Variants in FSTL4 observed in about 807,000 individuals in gnomAD.
FSTL4 encodes follistatin like 4.
A neutral mutation model predicts 78.2 loss-of-function variants in FSTL4; 28 were observed. The ratio of observed to expected loss-of-function variants is 0.36; its 90% CI spans 0.27 to 0.49. The LOEUF (loss-of-function observed/expected upper bound fraction) is 0.49. Ranked by LOEUF, FSTL4 falls within the 20% of genes least tolerant of loss-of-function variation. FSTL4 has a pLI of 0.98. For missense variants in FSTL4, 922 were observed against 1,084.9 expected (o/e 0.85, Z 2.11); for synonymous variants, 422 against 440.5 (o/e 0.96, Z 0.53).
intron 3 of FSTL4, among the ~76,000 whole-genome samples, chr5:133,529,535 A>G (rs1157616360): frequency 6.6e-6 from 1 of 152,128 alleles, no homozygotes; most frequent in African/African-American, 2.4e-5. Flanking sequence ...CTGTTTTAAG[A>G]TTTTCATAAA....
intron 7 of FSTL4, among the ~76,000 whole-genome samples, chr5:133,241,955 C>A (rs1420973761): frequency 6.6e-6 from 1 of 152,128 alleles, no homozygotes; most frequent in Non-Finnish European, 1.5e-5. Context: ...ACCAAGACGA[C>A]TTTCAGTTAG....
the FSTL4 span, among the ~76,000 whole-genome samples, chr5:133,639,108 T>C: frequency 6.6e-6 from 1 of 152,260 alleles, no homozygotes; most frequent in South Asian, 2.1e-4. Flanking sequence ...ATTCGGTATT[T>C]GTAGTTCTCC....
chr5:133,703,182 T>C, the FSTL4 span, among the ~76,000 whole-genome samples: 1 of 152,148 alleles, frequency 6.6e-6, no homozygotes, highest in South Asian at 2.1e-4. Context: ...GAATGGAAAA[T>C]TACTATACAG....
chr5:133,359,337 G>A (rs763681208), intron 4 of FSTL4, among the ~76,000 whole-genome samples: 34 of 152,328 alleles, frequency 2.2e-4, no homozygotes, highest in African/African-American at 7.7e-4. Flanking sequence ...TGGTTTATTC[G>A]CAGTGTGAAT....
intron 2 of FSTL4, among the ~76,000 whole-genome samples, chr5:133,584,960 G>C (rs921904803): frequency 5.0e-5 from 1 of 20,182 alleles, no homozygotes; most frequent in African/African-American, 1.7e-4. Context: ...AGCCAGAAGA[G>C]AGTGGGGGCC....
At chr5:133,636,371 A>G in the FSTL4 span, among the ~76,000 whole-genome samples, 2 of 152,222 alleles carry the variant, frequency 1.3e-5, no homozygotes, top group Non-Finnish European at 2.9e-5. Flanking sequence ...CTCAGCGATC[A>G]GGAAGCCCAG....
rs185105733 is a variant in FSTL4 at position 133,296,693 on chromosome 5, C to T, written c.727+15961G>A. 2.8e-3 allele frequency among the ~76,000 whole-genome samples: 425 copies of T among 152,290 alleles called. 1 individual carries two copies. The highest frequency in any genetic ancestry group is 9.9e-3 in the African/African-American group (410 of 41,566). On this transcript the variant is annotated intron_variant, in intron 6 of 15. Transcript: ENST00000265342. The stretch of plus-strand genomic sequence containing the variant: ...TTTTGCCCACCCCTGCCCTGCCCTG[C>T]CCTACCCTGCCCTCTGTGTTGCTGT...
At chr5:133,214,098 C>T (rs2126777445) in intron 13 of FSTL4, among the ~76,000 whole-genome samples, 1 of 152,278 alleles carries the variant, frequency 6.6e-6, no homozygotes, top group South Asian at 2.1e-4. Flanking sequence ...GATGTTAACA[C>T]ACCTCTCTGC....
the FSTL4 span, among the ~76,000 whole-genome samples, chr5:133,825,104 C>T: frequency 1.3e-5 from 2 of 152,164 alleles, no homozygotes; most frequent in Admixed American, 6.5e-5. Context: ...ACACTGAGGT[C>T]ACTCAGGGAC....
intron 12 of FSTL4, 111 bp downstream of exon 12, chr5:133,220,637 C>CA: frequency 1.4e-6 from 1 of 725,788 alleles, no homozygotes; most frequent in Non-Finnish European, 2.5e-6. Flanking sequence ...GGAACCACAC[C>CA]ACATATAGCA....
At chr5:133,342,013 C>T (rs1176612405) in intron 4 of FSTL4, among the ~76,000 whole-genome samples, 2 of 152,196 alleles carry the variant, frequency 1.3e-5, no homozygotes, top group East Asian at 3.9e-4. Context: ...AGAGCCATCT[C>T]CTCACTGGCT....
chr5:133,646,945 G>A, the FSTL4 span, among the ~76,000 whole-genome samples: 1 of 152,094 alleles, frequency 6.6e-6, no homozygotes, highest in African/African-American at 2.4e-5. Context: ...CTCCTGCAAA[G>A]GTGTTACTGG....
intron 4 of FSTL4, among the ~76,000 whole-genome samples, chr5:133,335,320 T>TC (rs1233251462): frequency 2.0e-5 from 3 of 152,062 alleles, no homozygotes; most frequent in Non-Finnish European, 4.4e-5. Context: ...TGCCCTGCTC[T>TC]CCCCTCCTAG....
chr5:133,503,851 C>A (rs1204970471), intron 3 of FSTL4, among the ~76,000 whole-genome samples: 2 of 152,190 alleles, frequency 1.3e-5, no homozygotes, highest in Non-Finnish European at 2.9e-5. Context: ...CTGCCAGAGA[C>A]TGGATAAATT....
chr5:133,811,874 C>T, the FSTL4 span, among the ~76,000 whole-genome samples: 1 of 152,164 alleles, frequency 6.6e-6, no homozygotes, highest in African/African-American at 2.4e-5. Flanking sequence ...TATCCTGGGT[C>T]ATAGACTCAA....
the FSTL4 span, among the ~76,000 whole-genome samples, chr5:133,768,916 G>A: frequency 6.6e-6 from 1 of 152,230 alleles, no homozygotes; most frequent in African/African-American, 2.4e-5. Flanking sequence ...TGTTACATCA[G>A]GTATTCAAGC....
chr5:133,719,175 G>C, the FSTL4 span, among the ~76,000 whole-genome samples: 1 of 152,140 alleles, frequency 6.6e-6, no homozygotes, highest in Non-Finnish European at 1.5e-5. Context: ...ACACTGCTAA[G>C]AGTTGGACTT....
intron 3 of FSTL4, among the ~76,000 whole-genome samples, chr5:133,413,574 T>C (rs1322368868): frequency 6.6e-6 from 1 of 152,208 alleles, no homozygotes; most frequent in African/African-American, 2.4e-5. Flanking sequence ...AGGATTTCTA[T>C]CTTTCATCAG....
intron 3 of FSTL4, among the ~76,000 whole-genome samples, chr5:133,467,493 G>T (rs541793972): frequency 6.6e-6 from 1 of 152,290 alleles, no homozygotes; most frequent in South Asian, 2.1e-4. Context: ...ATCTGATTGT[G>T]TTACTTGTGT....
Sources: allele counts gnomAD v4.1 joint callset (sites outside exome capture counted in the v4.1 genomes callset), GRCh38; gene constraint gnomAD v4.1.1; transcripts MANE v1.5; gene names NCBI Gene and HGNC (gene_info 2026-07-23, HGNC 2026-07-21).